SPATA31H1: variants seen among roughly 807,000 people sequenced by gnomAD.
SPATA31H1 encodes the protein SPATA31 subfamily H member 1.
the SPATA31H1 span, among the ~76,000 whole-genome samples, chr2:27,550,470 G>A: frequency 7.0e-6 from 1 of 143,172 alleles, no homozygotes; most frequent in East Asian, 2.0e-4. Context: ...CCGGGCTGGA[G>A]TGCAGTGGTG....
At chr2:27,579,402 G>C in the SPATA31H1 span, 1 of 1,614,204 alleles carries the variant, frequency 6.2e-7, no homozygotes, top group Non-Finnish European at 8.5e-7. Context: ...GAGCCTGCCA[G>C]AGAAGGGTCC....
the SPATA31H1 span, chr2:27,537,400 T>C: frequency 4.2e-6 from 3 of 714,104 alleles, no homozygotes; most frequent in Admixed American, 4.1e-5. Flanking sequence ...CAGAAAACTC[T>C]GGCTGAGAAG....
At chr2:27,549,223 T>C in the SPATA31H1 span, among the ~76,000 whole-genome samples, 1 of 152,006 alleles carries the variant, frequency 6.6e-6, no homozygotes, top group Admixed American at 6.5e-5. Context: ...CTAAGACTTA[T>C]CAGAATTCAT....
At chr2:27,563,385 C>CTTTTTTT in the SPATA31H1 span, among the ~76,000 whole-genome samples, 141 of 68,732 alleles carry the variant, frequency 2.1e-3, 28 homozygotes, top group East Asian at 9.1e-3. Context: ...TCTTCTACTT[C>CTTTTTTT]TTTTTTTTTT....
At chr2:27,579,675 A>T in the SPATA31H1 span, 7 of 1,614,078 alleles carry the variant, frequency 4.3e-6, no homozygotes, top group Non-Finnish European at 5.9e-6. Context: ...GTCTTCCCTC[A>T]GCATATTTTA....
the SPATA31H1 span, chr2:27,582,662 G>C: frequency 5.9e-6 from 5 of 850,520 alleles, no homozygotes; most frequent in African/African-American, 6.9e-5. Context: ...CTCTACCGGG[G>C]GGGAGGCGGG....
chr2:27,575,488 G>A, the SPATA31H1 span: 1 of 398,308 alleles, frequency 2.5e-6, no homozygotes, highest in Non-Finnish European at 4.4e-6. This position sits in a 1 kb window ranked among gnomAD's most constrained non-coding sequence, Gnocchi z 4.1. Context: ...CTAGGAACAA[G>A]GCTTCAAGGT....
chr2:27,580,420 C>T, the SPATA31H1 span: 1 of 1,614,074 alleles, frequency 6.2e-7, no homozygotes, highest in Non-Finnish European at 8.5e-7. Context: ...ACCAAAAAGA[C>T]CTCTGATTCA....
chr2:27,577,477 C>G, the SPATA31H1 span: 8 of 1,614,100 alleles, frequency 5.0e-6, no homozygotes, highest in African/African-American at 1.3e-5. The surrounding 1 kb of genome is among the most constrained non-coding windows in gnomAD (Gnocchi z 4.5). Flanking sequence ...AGTCAAGCCA[C>G]TGGATTTGCA....
chr2:27,553,751 G>A, the SPATA31H1 span, among the ~76,000 whole-genome samples: 1 of 144,016 alleles, frequency 6.9e-6, no homozygotes, highest in Admixed American at 7.7e-5. Flanking sequence ...GTGAAACCCT[G>A]TCTGTACTAA....
the SPATA31H1 span, chr2:27,576,598 A>G: frequency 1.0e-4 from 161 of 1,590,498 alleles, no homozygotes; most frequent in Admixed American, 4.8e-4. Flanking sequence ...GGGGCCCAAC[A>G]GCAAGGTATA....
the SPATA31H1 span, chr2:27,582,573 C>G: frequency 6.6e-7 from 1 of 1,514,904 alleles, no homozygotes; most frequent in African/African-American, 1.4e-5. Context: ...CTTCATCGTG[C>G]TGCCCTTTCC....
chr2:27,548,083 G>A, the SPATA31H1 span, among the ~76,000 whole-genome samples: 49 of 146,396 alleles, frequency 3.3e-4, no homozygotes, highest in African/African-American at 1.2e-3. Flanking sequence ...CTGGGTTCAC[G>A]CCATTCTCCT....
At chr2:27,540,501 G>A in the SPATA31H1 span, among the ~76,000 whole-genome samples, 2,202 of 98,498 alleles carry the variant, frequency 0.022, no homozygotes, top group Middle Eastern at 0.03. Context: ...CCTCCCGGAC[G>A]GGGCGGCTGG....
At chr2:27,576,700 T>C in the SPATA31H1 span, 7 of 1,614,096 alleles carry the variant, frequency 4.3e-6, no homozygotes, top group African/African-American at 9.3e-5. Flanking sequence ...GGACCACTGT[T>C]GACTAGTGTC....
the SPATA31H1 span, chr2:27,581,391 C>T: frequency 3.7e-5 from 59 of 1,613,792 alleles, no homozygotes; most frequent in Admixed American, 2.8e-4. Context: ...GAGAAGCTGG[C>T]GCAGTCCGTC....
chr2:27,542,504 A>C, the SPATA31H1 span, among the ~76,000 whole-genome samples: 1 of 152,054 alleles, frequency 6.6e-6, no homozygotes, highest in African/African-American at 2.4e-5. Context: ...ACAGATATAG[A>C]ATATTTGATA....
the SPATA31H1 span, among the ~76,000 whole-genome samples, chr2:27,554,655 C>T: frequency 1.3e-5 from 2 of 152,042 alleles, no homozygotes. Flanking sequence ...CTCACTGGAA[C>T]CTCCTCCTTC....
At chr2:27,540,010 G>T in the SPATA31H1 span, among the ~76,000 whole-genome samples, 1 of 110,056 alleles carries the variant, frequency 9.1e-6, no homozygotes, top group Non-Finnish European at 1.9e-5. Flanking sequence ...CTGGCCGGGC[G>T]GGGGGCTGAC....
Sources: gnomAD v4.1 joint callset for allele counts (sites outside exome capture counted in the v4.1 genomes callset) on GRCh38, gnomAD v4.1.1 for gene constraint, Gnocchi (gnomAD v3.1) non-coding constraint, MANE v1.5 for transcripts, NCBI Gene and HGNC (gene_info 2026-07-23, HGNC 2026-07-21) for gene names.